NBEAL1: variants seen among roughly 807,000 people sequenced by gnomAD.
The protein encoded by NBEAL1 is neurobeachin like 1, also known as neurobeachin-like protein 1.
A neutral mutation model predicts 351.3 loss-of-function variants in NBEAL1; 273 were observed. That is an observed-to-expected ratio of 0.78 (90% CI 0.70 to 0.86). The LOEUF is 0.86. Among genes scored for constraint, NBEAL1 ranks in the 40% least tolerant of loss-of-function variants. The pLI is 0.00. For missense variants in NBEAL1, 2,961 were observed against 3,201.3 expected, an observed-to-expected ratio of 0.92 and a Z score of 1.81; for synonymous variants, 1,050 against 1,086.4, an observed-to-expected ratio of 0.97 and a Z score of 0.66.
chr2:203,097,075 C>CA (rs1233537293), intron 10 of NBEAL1, among the ~76,000 whole-genome samples: 2 of 152,168 alleles, frequency 1.3e-5, no homozygotes, highest in Non-Finnish European at 2.9e-5. Context: ...CACATGGCGT[C>CA]AGACAAGAGA....
intron 48 of NBEAL1, among the ~76,000 whole-genome samples, chr2:203,198,348 A>C (rs551575873): frequency 6.6e-6 from 1 of 152,120 alleles, no homozygotes; most frequent in South Asian, 2.1e-4. Flanking sequence ...AATCAAGAAG[A>C]TAAAAGCTTT....
intron 38 of NBEAL1, among the ~76,000 whole-genome samples, chr2:203,168,524 A>C (rs984173435): frequency 6.6e-6 from 1 of 152,230 alleles, no homozygotes; most frequent in Non-Finnish European, 1.5e-5. Flanking sequence ...CAGAGATTGC[A>C]GTGAGCCGAG....
At chr2:203,025,619 C>T (rs1433934970) in intron 2 of NBEAL1, among the ~76,000 whole-genome samples, 2 of 152,162 alleles carry the variant, frequency 1.3e-5, no homozygotes, top group African/African-American at 4.8e-5. Flanking sequence ...TCATATCTAT[C>T]TCAAGAACTC....
intron 48 of NBEAL1, among the ~76,000 whole-genome samples, 187 bp downstream of exon 48, chr2:203,197,578 G>T (rs1207867361): frequency 6.6e-6 from 1 of 152,084 alleles, no homozygotes; most frequent in African/African-American, 2.4e-5. Flanking sequence ...AGACTAGCCT[G>T]GGCAACATTT....
intron 9 of NBEAL1, among the ~76,000 whole-genome samples, chr2:203,083,997 TG>T (rs1354396898): frequency 6.6e-6 from 1 of 151,358 alleles, no homozygotes; most frequent in East Asian, 1.9e-4. Flanking sequence ...TGTGTGTGTG[TG>T]TGTGTGTGTG....
chr2:203,051,966 C>A (rs1318370131), intron 4 of NBEAL1, among the ~76,000 whole-genome samples: 1 of 152,078 alleles, frequency 6.6e-6, no homozygotes, highest in Admixed American at 6.6e-5. Flanking sequence ...TCCTCTATTA[C>A]TAATATCTTA....
chr2:203,060,130 C>T (rs2061475022), intron 6 of NBEAL1, among the ~76,000 whole-genome samples: 1 of 152,144 alleles, frequency 6.6e-6, no homozygotes, highest in East Asian at 1.9e-4. Context: ...GAAAGAGGAA[C>T]ATAAAATCAG....
At position 203,167,831 on chromosome 2, in the gene NBEAL1, G is replaced by T. The variant is rs186640551; in HGVS notation, c.5997+471G>T. Among the ~76,000 whole-genome samples the T allele has an allele frequency of 5.9e-5, 9 of 152,238 alleles. No individual in the cohort carries two copies. In the East Asian group the frequency reaches 1.7e-3, roughly 29 times the overall value. The stretch of plus-strand genomic sequence containing the variant: ...TGGGCTCATTACTGAGAATGCTTGG[G>T]CCCGGCCTTCCTCCCCTCTCTCATT... On this transcript the variant is annotated intron_variant, in intron 38 of 55. Transcript: ENST00000683969.
Position 203,107,596 on chromosome 2 carries a change from G to A in NBEAL1, c.1369-12G>A. On this transcript the variant is annotated splice_polypyrimidine_tract_variant and intron_variant, in intron 13 of 55. Coordinates refer to ENST00000683969, the MANE Select transcript of NBEAL1 (RefSeq NM_001378026.1). ...TGATAACTAACCTTTTATCTTTTATGTTGCTTTTCAGGCTGTAGAGGGTGA... is the reference window on the plus strand; with the variant it reads ...TGATAACTAACCTTTTATCTTTTATATTGCTTTTCAGGCTGTAGAGGGTGA... 1 of 1,548,862 alleles carries A rather than the reference G, an allele frequency of 6.5e-7. No individual in the cohort carries two copies. The highest frequency in any genetic ancestry group is 8.7e-7 in the Non-Finnish European group (1 of 1,145,420).
chr2:203,101,709 C>T (rs1238291334), intron 12 of NBEAL1, among the ~76,000 whole-genome samples: 1 of 152,132 alleles, frequency 6.6e-6, no homozygotes, highest in Non-Finnish European at 1.5e-5. Context: ...GATTCTCCTG[C>T]CTCAGCTTCC....
At chr2:203,180,594 T>C (rs1229437810) in intron 43 of NBEAL1, 82 bp downstream of exon 43, 1 of 1,233,384 alleles carries the variant, frequency 8.1e-7, no homozygotes, top group African/African-American at 1.5e-5. Flanking sequence ...ATTTTTGTAA[T>C]ATCCTGTAGA....
At position 203,107,647 on chromosome 2, in the gene NBEAL1, A is replaced by G; in HGVS notation, c.1408A>G (p.Ile470Val). Residue 470 changes from isoleucine to valine, a missense_variant, in exon 14 of 56, where the codon ATT becomes GTT. By Grantham distance (29) the Ile-to-Val change is conservative. Transcript: ENST00000683969. ...GDHTSVGILGISNVQPLLLLI... is the reference protein window; with the variant it reads ...GDHTSVGILGVSNVQPLLLLI... The stretch of plus-strand genomic sequence containing the variant: ...CCACACTTCAGTTGGGATTTTGGGC[A>G]TTAGTAATGTCCAACCTCTCTTGCT... 1 of 1,552,532 alleles carries G rather than the reference A, an allele frequency of 6.4e-7. No homozygotes were observed. The highest frequency in any genetic ancestry group is 8.7e-7 in the Non-Finnish European group (1 of 1,147,166).
At chr2:203,088,716 C>A (rs1438790573) in intron 10 of NBEAL1, among the ~76,000 whole-genome samples, 1 of 152,114 alleles carries the variant, frequency 6.6e-6, no homozygotes, top group East Asian at 1.9e-4. Flanking sequence ...ACATGGAAGG[C>A]CCCCATTTGT....
chr2:203,206,843 C>T (rs1045276556), intron 51 of NBEAL1, among the ~76,000 whole-genome samples: 11 of 150,760 alleles, frequency 7.3e-5, no homozygotes, highest in Non-Finnish European at 1.2e-4. Flanking sequence ...GCCGCCACCC[C>T]GTCTGGGAAG....
At position 203,126,859 on chromosome 2, in the gene NBEAL1, A is replaced by G; in HGVS notation, c.3181A>G (p.Ser1061Gly). 1 of 1,552,844 alleles carries G rather than the reference A, an allele frequency of 6.4e-7. No homozygotes were observed. Among genetic ancestry groups the G allele is most frequent in the Non-Finnish European group, 8.7e-7 (1 of 1,147,152 alleles). The change falls in exon 23 of 56, where the codon AGC (serine) becomes GGC (glycine). Residue 1061 changes from serine (S) to glycine (G), a missense_variant. By Grantham distance (56) the Ser-to-Gly change is moderately conservative. Transcript: ENST00000683969. ...GTATCTTTCAACCATCATTAAAGAC[A>G]GCAGGAGAGTTTTCCGAAAGAAGTA... ...IQYLSTIIKD[S>G]RRVFRKKYGV...
rs545210497 is a variant in NBEAL1 at position 203,073,730 on chromosome 2, T to C, written c.599-4022T>C. ...TCCTCTATTGTTTATTCGTTTCCTT[T>C]TTCATTATTTTTTCTATTATCTTTA... On this transcript the variant is annotated intron_variant, in intron 7 of 55. Coordinates refer to ENST00000683969, the MANE Select transcript of NBEAL1 (RefSeq NM_001378026.1). Among the ~76,000 whole-genome samples the C allele has an allele frequency of 2.9e-4, 44 of 152,294 alleles. No individual in the cohort carries two copies. In the Middle Eastern group the frequency reaches 0.01, roughly 35 times the overall value.
At chr2:203,155,363 A>G (rs978736887) in intron 35 of NBEAL1, among the ~76,000 whole-genome samples, 3 of 151,428 alleles carry the variant, frequency 2.0e-5, no homozygotes, top group Non-Finnish European at 4.4e-5. Context: ...CCTTGCTTCC[A>G]TTGTTTCTGA....
At chr2:203,199,540 A>G in intron 49 of NBEAL1, 93 bp downstream of exon 49, 1 of 645,888 alleles carries the variant, frequency 1.5e-6, no homozygotes, top group Non-Finnish European at 2.6e-6. Flanking sequence ...ATTCTGAAAG[A>G]AATATTTTTT....
intron 36 of NBEAL1, among the ~76,000 whole-genome samples, chr2:203,165,694 C>T (rs566171112): frequency 7.9e-5 from 12 of 152,128 alleles, no homozygotes; most frequent in African/African-American, 2.9e-4. Context: ...ATGCAGAATA[C>T]TTCTTGAGGG....
Sources: gnomAD v4.1 joint callset for allele counts (sites outside exome capture counted in the v4.1 genomes callset) on GRCh38, gnomAD v4.1.1 for gene constraint, MANE v1.5 for transcripts, NCBI Gene and HGNC (gene_info 2026-07-23, HGNC 2026-07-21) for gene names.